The following AP3B1 variants were observed in gnomAD, a reference collection of about 807,000 sequenced individuals.
AP3B1 encodes the protein adaptor related protein complex 3 subunit beta 1.
Under a neutral mutation model 132.5 loss-of-function variants are expected in AP3B1, and 61 were observed. The ratio of observed to expected loss-of-function variants is 0.46; its 90% confidence interval spans 0.37 to 0.57. The LOEUF (loss-of-function observed/expected upper bound fraction) is 0.57. Ranked by LOEUF, AP3B1 falls within the 20% of genes least tolerant of loss-of-function variation. The pLI is 0.00. For synonymous variants in AP3B1, 388 were observed against 438.3 expected, an observed-to-expected ratio of 0.89 and a Z score of 1.43; for missense variants, 1,120 against 1,289.4, an observed-to-expected ratio of 0.87 and a Z score of 2.01.
chr5:78,023,101 G>A (rs990031327), intron 24 of AP3B1, among the ~76,000 whole-genome samples: 2 of 152,172 alleles, frequency 1.3e-5, no homozygotes, highest in Non-Finnish European at 2.9e-5. Context: ...GGACACACCT[G>A]GTGATGAATG....
chr5:78,171,395 C>T (rs1038634725), intron 11 of AP3B1, among the ~76,000 whole-genome samples: 5 of 152,110 alleles, frequency 3.3e-5, no homozygotes, highest in African/African-American at 1.2e-4. Context: ...TTGTTTGTGT[C>T]CTTTTTTTAT....
At position 78,129,180 on chromosome 5, in the gene AP3B1, T is replaced by C; in HGVS notation, c.1778A>G (p.Tyr593Cys). The C allele has an allele frequency of 8.1e-6, 13 of 1,613,432 alleles. No homozygotes were observed. The highest frequency in any genetic ancestry group is 1.1e-5 in the Non-Finnish European group (13 of 1,179,532). ...TTGTGCTAGGAATATTTTTTTGGCA[T>C]ATTTACTTAAAGCTCCACTCTTTAC... ...PNVKSGALSK[Y>C]AKKIFLAQKP... Residue 593 changes from tyrosine (Y) to cysteine (C), a missense_variant, in exon 16 of 27, where the codon TAT (tyrosine) becomes TGT (cysteine). Tyr to Cys is a radical substitution (Grantham distance 194). Coordinates refer to ENST00000255194, the MANE Select transcript of AP3B1 (RefSeq NM_003664.5).
intron 2 of AP3B1, among the ~76,000 whole-genome samples, chr5:78,256,018 A>C (rs1327040377): frequency 6.6e-6 from 1 of 152,064 alleles, no homozygotes; most frequent in African/African-American, 2.4e-5. Flanking sequence ...TTAAGAAAGA[A>C]ACTGAAAAAT....
chr5:78,090,787 AC>A, intron 21 of AP3B1, among the ~76,000 whole-genome samples: 1 of 152,320 alleles, frequency 6.6e-6, no homozygotes, highest in South Asian at 2.1e-4. Context: ...AAAGGGAATA[AC>A]ATTTAGTTAA....
chr5:78,047,796 T>C (rs1456047607), intron 22 of AP3B1, among the ~76,000 whole-genome samples: 1 of 152,226 alleles, frequency 6.6e-6, no homozygotes, highest in Non-Finnish European at 1.5e-5. Flanking sequence ...CAAACTGTCC[T>C]TTGTCTCTGA....
intron 19 of AP3B1, among the ~76,000 whole-genome samples, chr5:78,110,643 T>C (rs888296744): frequency 4.6e-5 from 7 of 151,954 alleles, no homozygotes. Context: ...GTTAAAGATA[T>C]TTAGGCTGAT....
At chr5:78,252,284 T>C (rs1232306930) in intron 2 of AP3B1, among the ~76,000 whole-genome samples, 1 of 152,010 alleles carries the variant, frequency 6.6e-6, no homozygotes, top group African/African-American at 2.4e-5. Context: ...GGGGCAAAAC[T>C]CCTGCTTGAG....
intron 22 of AP3B1, among the ~76,000 whole-genome samples, chr5:78,051,681 A>G (rs1748590668): frequency 6.6e-6 from 1 of 152,122 alleles, no homozygotes; most frequent in African/African-American, 2.4e-5. Flanking sequence ...AGTATTATCA[A>G]TCCATTCTGT....
intron 3 of AP3B1, 114 bp from the exon 4 acceptor site, chr5:78,228,353 T>C: frequency 1.5e-6 from 1 of 665,942 alleles, no homozygotes; most frequent in Non-Finnish European, 2.6e-6. Flanking sequence ...TCTGGTCACA[T>C]GTTAGATTGT....
At chr5:78,264,675 A>T (rs1176538055) in intron 2 of AP3B1, among the ~76,000 whole-genome samples, 3 of 152,230 alleles carry the variant, frequency 2.0e-5, no homozygotes, top group Non-Finnish European at 4.4e-5. Context: ...TTTAAAGCAT[A>T]CATAGAACCA....
At position 78,015,449 on chromosome 5, in the gene AP3B1, T is replaced by C. The variant is rs764601104; in HGVS notation, c.3092A>G (p.Asn1031Ser). 3 of 1,613,916 alleles carry C rather than the reference T, an allele frequency of 1.9e-6. No homozygotes were observed. The highest frequency in any genetic ancestry group is 2.2e-5 in the East Asian group (1 of 44,840). Residue 1031 changes from asparagine to serine, a missense_variant, in exon 26 of 27, where the codon AAT (asparagine) becomes AGT (serine). Transcript: ENST00000255194. ...CTGGCCAGAAGGGACTGCACCTACA[T>C]TGGCTACATTTACAACCTTCTGAAA... is the stretch of plus-strand genomic sequence containing the variant. The part of the protein sequence containing the change: ...VIFQKVVNVA[N>S]VGAVPSGQDN...
intron 2 of AP3B1, among the ~76,000 whole-genome samples, chr5:78,258,747 C>T (rs1190466534): frequency 6.6e-6 from 1 of 152,212 alleles, no homozygotes; most frequent in Non-Finnish European, 1.5e-5. Context: ...CACTCCAATG[C>T]TCGCTGCAGC....
At position 78,237,827 on chromosome 5, in the gene AP3B1, G is replaced by C. The variant is rs536429991; in HGVS notation, c.279+3035C>G. ...GACCCTGTCTCCAAAAAAAAAGTAG[G>C]TTTAAAGTACCTATCCTTAAAATGC... On this transcript the variant is annotated intron_variant, in intron 3 of 26. Transcript: ENST00000255194. 2.0e-5 allele frequency among the ~76,000 whole-genome samples: 3 copies of C among 152,246 alleles called. No homozygotes were observed. The South Asian group carries it at 6.2e-4, about 32-fold the overall frequency.
At chr5:78,125,403 G>A (rs1752415173) in intron 17 of AP3B1, among the ~76,000 whole-genome samples, 1 of 152,032 alleles carries the variant, frequency 6.6e-6, no homozygotes, top group South Asian at 2.1e-4. Flanking sequence ...ATATTTCACA[G>A]TTACAGGACT....
At chr5:78,257,260 T>C (rs146465750) in intron 2 of AP3B1, among the ~76,000 whole-genome samples, 167 of 152,272 alleles carry the variant, frequency 1.1e-3, no homozygotes, top group Non-Finnish European at 1.9e-3. Flanking sequence ...CAATCTTATA[T>C]TGGGGAAAAC....
intron 2 of AP3B1, among the ~76,000 whole-genome samples, chr5:78,257,994 T>G (rs1011096424): frequency 6.6e-6 from 1 of 152,210 alleles, no homozygotes; most frequent in Admixed American, 6.5e-5. Context: ...TCTCTCAGCA[T>G]ATACAAATAT....
chr5:78,065,211 G>A (rs1561383437), intron 22 of AP3B1, among the ~76,000 whole-genome samples: 9 of 152,104 alleles, frequency 5.9e-5, no homozygotes, highest in Admixed American at 5.9e-4. Context: ...AGATCCCCTC[G>A]TGAGCCCATG....
Position 78,116,250 on chromosome 5 carries a change from A to G in AP3B1, c.1969-16T>C. ...ATTCTTTTGCCTGTTTAAACAAATA[A>G]AGTAAATATAAATGAATTCTCATTC... On this transcript the variant is annotated splice_polypyrimidine_tract_variant and intron_variant, in intron 17 of 26. Transcript: ENST00000255194. 1 of 1,579,224 alleles carries G rather than the reference A, an allele frequency of 6.3e-7. No individual in the cohort carries two copies. The highest frequency in any genetic ancestry group is 1.7e-5 in the Admixed American group (1 of 59,972).
chr5:78,012,636 T>C (rs576012205), intron 26 of AP3B1, among the ~76,000 whole-genome samples: 1 of 152,358 alleles, frequency 6.6e-6, no homozygotes, highest in East Asian at 1.9e-4. Context: ...AGGTATTTTA[T>C]TGACTTTTGA....
Sources: allele counts gnomAD v4.1 joint callset (sites outside exome capture counted in the v4.1 genomes callset), GRCh38; gene constraint gnomAD v4.1.1; transcripts MANE v1.5; gene names NCBI Gene and HGNC (gene_info 2026-07-23, HGNC 2026-07-21).